The following SLC36A1 variants were observed in gnomAD, a reference collection of about 807,000 sequenced individuals.
The protein encoded by SLC36A1 is solute carrier family 36 member 1.
SLC36A1 carries 30 observed loss-of-function variants against 47.5 expected under a neutral mutation model. The observed-to-expected ratio is 0.63, with a 90% CI of 0.47 to 0.86. SLC36A1 has a LOEUF of 0.86. Ranked by LOEUF, SLC36A1 falls within the 40% of genes least tolerant of loss-of-function variation. The probability of loss-of-function intolerance (pLI) is 0.00; values close to 1 mark genes in which losing one functional copy is unlikely to be tolerated. For synonymous variants in SLC36A1, 255 were observed against 249.7 expected (o/e 1.02, Z -0.20); for missense variants, 517 against 606.0 (o/e 0.85, Z 1.54).
chr5:151,430,298 G>T, the SLC36A1 span, among the ~76,000 whole-genome samples: 1 of 149,988 alleles, frequency 6.7e-6, no homozygotes, highest in Non-Finnish European at 1.5e-5. Context: ...CCGAGTAGCT[G>T]GGATTACAGG....
chr5:151,517,337 C>T, the SLC36A1 span, among the ~76,000 whole-genome samples: 7,484 of 152,274 alleles, frequency 0.049, 370 homozygotes, highest in South Asian at 0.23. Flanking sequence ...AAAATGATAA[C>T]GGCACCAGGG....
the SLC36A1 span, chr5:151,543,966 A>C: frequency 2.5e-6 from 4 of 1,614,094 alleles, no homozygotes; most frequent in Non-Finnish European, 3.4e-6. Context: ...GTTCACTGAC[A>C]TTGGCTTCAT....
the SLC36A1 span, among the ~76,000 whole-genome samples, chr5:151,420,507 T>A: frequency 2.0e-5 from 3 of 152,202 alleles, no homozygotes; most frequent in Non-Finnish European, 4.4e-5. Context: ...ATGATGGGGA[T>A]GATCGTGCAT....
At chr5:151,507,190 G>T in the SLC36A1 span, 1 of 1,605,108 alleles carries the variant, frequency 6.2e-7, no homozygotes, top group South Asian at 1.1e-5. Context: ...TTAATGACAG[G>T]CTCATTGTCA....
At chr5:151,520,618 A>C in the SLC36A1 span, among the ~76,000 whole-genome samples, 1 of 152,198 alleles carries the variant, frequency 6.6e-6, no homozygotes, top group Non-Finnish European at 1.5e-5. Context: ...ACTCTTACGT[A>C]ATTTCCCCCC....
the SLC36A1 span, among the ~76,000 whole-genome samples, chr5:151,537,350 AAAAAGAAG>A: frequency 2.6e-4 from 20 of 77,286 alleles, no homozygotes; most frequent in African/African-American, 5.8e-4. Context: ...AAAGAAAAGA[AAAAAGAAG>A]GAAGGAAGGA....
chr5:151,555,855 T>C, the SLC36A1 span, among the ~76,000 whole-genome samples: 1 of 152,148 alleles, frequency 6.6e-6, no homozygotes, highest in African/African-American at 2.4e-5. Flanking sequence ...CTGCTTCTCT[T>C]CTGATTTCAT....
At chr5:151,348,638 G>A in the SLC36A1 span, among the ~76,000 whole-genome samples, 1 of 152,172 alleles carries the variant, frequency 6.6e-6, no homozygotes, top group Non-Finnish European at 1.5e-5. Flanking sequence ...TCTTAAAGAG[G>A]TCCTCCTTAC....
the SLC36A1 span, chr5:151,542,215 T>G: frequency 6.8e-7 from 1 of 1,468,652 alleles, no homozygotes; most frequent in Non-Finnish European, 9.1e-7. Flanking sequence ...ATGAACCCAT[T>G]TTAGGGCACC....
the SLC36A1 span, chr5:151,545,544 A>G: frequency 6.2e-7 from 1 of 1,614,140 alleles, no homozygotes; most frequent in Non-Finnish European, 8.5e-7. Context: ...CATCTCTGAC[A>G]TGAATGATGA....
chr5:151,487,347 G>T (rs165366), intron 10 of SLC36A1, among the ~76,000 whole-genome samples: 1 of 152,092 alleles, frequency 6.6e-6, no homozygotes, highest in Non-Finnish European at 1.5e-5. Context: ...CCTCCTTCCT[G>T]GCTCACCCGT....
chr5:151,419,291 G>C, the SLC36A1 span, among the ~76,000 whole-genome samples: 1 of 152,164 alleles, frequency 6.6e-6, no homozygotes, highest in Non-Finnish European at 1.5e-5. Context: ...ATGATTTGCT[G>C]TGTACCCCTG....
At chr5:151,425,132 G>T in the SLC36A1 span, among the ~76,000 whole-genome samples, 1 of 152,224 alleles carries the variant, frequency 6.6e-6, no homozygotes, top group East Asian at 1.9e-4. Flanking sequence ...TGTTAATGGG[G>T]ACTCCTGAGA....
At chr5:151,515,184 C>T in the SLC36A1 span, among the ~76,000 whole-genome samples, 1 of 152,142 alleles carries the variant, frequency 6.6e-6, no homozygotes, top group Non-Finnish European at 1.5e-5. Context: ...TCACTCCTTC[C>T]TTCTTGATAC....
At chr5:151,507,386 G>C in the SLC36A1 span, 1 of 1,614,130 alleles carries the variant, frequency 6.2e-7, no homozygotes, top group Admixed American at 1.7e-5. Context: ...GCATGGCTTG[G>C]GTGTCAACAC....
the SLC36A1 span, among the ~76,000 whole-genome samples, chr5:151,358,632 G>T: frequency 6.6e-6 from 1 of 152,250 alleles, no homozygotes; most frequent in South Asian, 2.1e-4. Context: ...TGGAGAAGTG[G>T]TTCTCAAACT....
At chr5:151,482,188 G>T (rs1758889230) in intron 10 of SLC36A1, among the ~76,000 whole-genome samples, 1 of 152,166 alleles carries the variant, frequency 6.6e-6, no homozygotes. Context: ...TAGCTTCTTA[G>T]TACCTTTGGG....
upstream of SLC36A1, among the ~76,000 whole-genome samples, chr5:151,446,689 A>G (rs886138815): frequency 6.6e-6 from 1 of 152,226 alleles, no homozygotes; most frequent in African/African-American, 2.4e-5. Context: ...GGACTAGCAT[A>G]TGGTCTATTC....
At chr5:151,384,906 A>G in the SLC36A1 span, among the ~76,000 whole-genome samples, 2 of 152,110 alleles carry the variant, frequency 1.3e-5, no homozygotes, top group African/African-American at 4.8e-5. Flanking sequence ...GTAACAAAAT[A>G]TAAAGTCAAA....
Sources: allele counts gnomAD v4.1 joint callset (sites outside exome capture counted in the v4.1 genomes callset), GRCh38; gene constraint gnomAD v4.1.1; transcripts MANE v1.5; gene names NCBI Gene and HGNC (gene_info 2026-07-23, HGNC 2026-07-21).